The following TENM3 variants were observed in gnomAD, a reference collection of about 807,000 sequenced individuals.
TENM3 encodes the protein teneurin transmembrane protein 3, also known as teneurin-3.
TENM3 carries 63 observed loss-of-function variants against 255.1 expected under a neutral mutation model. The ratio of observed to expected loss-of-function variants is 0.25; its 90% CI spans 0.20 to 0.30. The LOEUF (loss-of-function observed/expected upper bound fraction) is 0.30. Among genes scored for constraint, TENM3 ranks in the 10% least tolerant of loss-of-function variants. TENM3 has a pLI of 1.00. For missense variants in TENM3, 2,929 were observed against 3,461.1 expected, an observed-to-expected ratio of 0.85 and a Z score of 3.86; for synonymous variants, 1,306 against 1,322.3, an observed-to-expected ratio of 0.99 and a Z score of 0.27.
intron 3 of TENM3, among the ~76,000 whole-genome samples, chr4:182,492,347 G>A (rs561648152): frequency 1.3e-5 from 2 of 152,178 alleles, no homozygotes; most frequent in South Asian, 2.1e-4. Context: ...TGAGATATAC[G>A]GGATGGTGTC....
At chr4:182,654,859 C>A (rs1006288122) in intron 6 of TENM3, among the ~76,000 whole-genome samples, 14 of 151,952 alleles carry the variant, frequency 9.2e-5, no homozygotes, top group Non-Finnish European at 2.1e-4. Context: ...CTTTTTTATT[C>A]TTTTTTTTCC....
the TENM3 span, among the ~76,000 whole-genome samples, chr4:181,676,989 C>CTTTTTTTTTTT: frequency 7.3e-6 from 1 of 137,698 alleles, no homozygotes; most frequent in Non-Finnish European, 1.5e-5. Flanking sequence ...CCGATTTTAT[C>CTTTTTTTTTTT]TTTTTTTTTT....
chr4:181,757,387 A>G, the TENM3 span, among the ~76,000 whole-genome samples: 2 of 152,148 alleles, frequency 1.3e-5, no homozygotes, highest in East Asian at 3.9e-4. Flanking sequence ...CAATTTTAGC[A>G]TTGCATGCTG....
At chr4:181,610,444 G>A in the TENM3 span, among the ~76,000 whole-genome samples, 1 of 152,136 alleles carries the variant, frequency 6.6e-6, no homozygotes, top group Non-Finnish European at 1.5e-5. Context: ...TTAATCCCGG[G>A]TTTTGTCAAC....
In TENM3 at chr4:182,684,141, A is replaced by G. The variant is rs1269862543; in HGVS notation, c.2035+2127A>G. On this transcript the variant is annotated intron_variant, in intron 11 of 27. Transcript: ENST00000511685. ...CAAAACTACACAGTTCATCAAAAGAAGAGGAAAAATGAGAAAGAGAAGCAG... is the reference window on the plus strand; with the variant it reads ...CAAAACTACACAGTTCATCAAAAGAGGAGGAAAAATGAGAAAGAGAAGCAG... 2.0e-5 allele frequency among the ~76,000 whole-genome samples: 3 copies of G among 151,652 alleles called. No homozygotes were observed. In the East Asian group the frequency reaches 5.9e-4, roughly 30 times the overall value.
rs551727391 is a variant in TENM3 at position 182,410,258 on chromosome 4, T to C, written c.511+63329T>C. Among the ~76,000 whole-genome samples, 4 of 152,390 alleles carry C rather than the reference T, an allele frequency of 2.6e-5. No individual in the cohort carries two copies. The East Asian group carries it at 5.8e-4, about 22-fold the overall frequency. On this transcript the variant is annotated intron_variant, in intron 3 of 27. Coordinates refer to ENST00000511685, the MANE Select transcript of TENM3 (RefSeq NM_001080477.4). ...GTAATGAAGATGACAATAGTGGTAA[T>C]GTGGTTAAGTGTATAATCACTAATT...
chr4:181,618,112 C>T, the TENM3 span, among the ~76,000 whole-genome samples: 732 of 152,294 alleles, frequency 4.8e-3, 1 homozygote, highest in Non-Finnish European at 8.4e-3. Context: ...CAGGTTTTGA[C>T]ATTTACTTCC....
chr4:181,530,971 T>C, the TENM3 span, among the ~76,000 whole-genome samples: 8 of 152,190 alleles, frequency 5.3e-5, no homozygotes, highest in Non-Finnish European at 7.3e-5. Flanking sequence ...TTTTTTTTAA[T>C]GTCAGCCCTA....
At chr4:181,845,018 T>C in the TENM3 span, among the ~76,000 whole-genome samples, 25 of 152,262 alleles carry the variant, frequency 1.6e-4, no homozygotes, top group Admixed American at 1.6e-3. Context: ...TTATTTTGCA[T>C]ATTTTATATA....
chr4:182,338,113 A>C (rs1764257004), intron 2 of TENM3, among the ~76,000 whole-genome samples: 1 of 152,182 alleles, frequency 6.6e-6, no homozygotes, highest in Admixed American at 6.5e-5. Flanking sequence ...CCTAAATATT[A>C]ATAAATACAA....
chr4:181,664,114 C>T, the TENM3 span, among the ~76,000 whole-genome samples: 2 of 152,146 alleles, frequency 1.3e-5, no homozygotes, highest in Non-Finnish European at 2.9e-5. Context: ...GCTGAATGAT[C>T]CAGGCAAGCT....
chr4:182,436,656 T>G (rs1158628952), intron 3 of TENM3, among the ~76,000 whole-genome samples: 2 of 152,100 alleles, frequency 1.3e-5, no homozygotes, highest in Non-Finnish European at 2.9e-5. Flanking sequence ...CACCACCAAT[T>G]TAATAAACAT....
At chr4:182,765,916 C>T (rs985080406) in intron 22 of TENM3, among the ~76,000 whole-genome samples, 7 of 152,186 alleles carry the variant, frequency 4.6e-5, no homozygotes, top group Non-Finnish European at 7.3e-5. Flanking sequence ...CAAATTTCCT[C>T]TGCTAAAACA....
At chr4:182,008,522 A>G in the TENM3 span, among the ~76,000 whole-genome samples, 4 of 151,764 alleles carry the variant, frequency 2.6e-5, no homozygotes, top group Admixed American at 6.6e-5. Flanking sequence ...TGCTTGGTCT[A>G]TTCGACTGTT....
chr4:182,735,395 A>G (rs924275598), intron 16 of TENM3, among the ~76,000 whole-genome samples: 1 of 152,168 alleles, frequency 6.6e-6, no homozygotes. Context: ...GTGATTGTTT[A>G]TATTGAAGCT....
chr4:181,762,125 G>A, the TENM3 span, among the ~76,000 whole-genome samples: 24 of 152,104 alleles, frequency 1.6e-4, no homozygotes, highest in African/African-American at 5.6e-4. Context: ...ATTCAGAAGG[G>A]AGTAAAAGAA....
At chr4:182,037,150 A>ATTT in the TENM3 span, among the ~76,000 whole-genome samples, 52 of 144,726 alleles carry the variant, frequency 3.6e-4, no homozygotes, top group Admixed American at 1.4e-3. Context: ...AACTCCTTTT[A>ATTT]TTTTTTTTTT....
At chr4:182,082,225 G>A in the TENM3 span, among the ~76,000 whole-genome samples, 8 of 152,114 alleles carry the variant, frequency 5.3e-5, no homozygotes, top group South Asian at 2.1e-4. Flanking sequence ...TTTCTTGTTC[G>A]TAGGTGGCAC....
At chr4:181,583,132 T>TAA in the TENM3 span, among the ~76,000 whole-genome samples, 73 of 113,380 alleles carry the variant, frequency 6.4e-4, no homozygotes, top group African/African-American at 2.0e-3. Context: ...CTGTAGTATT[T>TAA]TTTTTTTTTT....
Sources: allele counts gnomAD v4.1 joint callset (sites outside exome capture counted in the v4.1 genomes callset), GRCh38; gene constraint gnomAD v4.1.1; transcripts MANE v1.5; gene names NCBI Gene and HGNC (gene_info 2026-07-23, HGNC 2026-07-21).